FBXO11: variants seen among roughly 807,000 people sequenced by gnomAD.
FBXO11 encodes F-box only protein 11.
Under a neutral mutation model 117.0 loss-of-function variants are expected in FBXO11, and 13 were observed. The ratio of observed to expected loss-of-function variants is 0.11; its 90% CI spans 0.07 to 0.18. FBXO11 has a LOEUF of 0.18. Among genes scored for constraint, FBXO11 ranks in the 10% least tolerant of loss-of-function variants. The probability of loss-of-function intolerance (pLI) is 1.00; values close to 1 mark genes in which losing one functional copy is unlikely to be tolerated. For synonymous variants in FBXO11, 490 were observed against 380.5 expected (o/e 1.29, Z -3.35); for missense variants, 767 against 1,164.4 (o/e 0.66, Z 4.97).
At chr2:47,836,631 T>A (rs902842980) in intron 4 of FBXO11, among the ~76,000 whole-genome samples, 2 of 151,466 alleles carry the variant, frequency 1.3e-5, no homozygotes. Context: ...TTAGTTTTCC[T>A]GCAAAAATTT....
chr2:47,828,285 C>T (rs1007797560), intron 11 of FBXO11, among the ~76,000 whole-genome samples: 2 of 152,200 alleles, frequency 1.3e-5, no homozygotes, highest in Admixed American at 1.3e-4. Context: ...CCAGCCTCTG[C>T]TTTGTCTTTT....
At chr2:47,837,599 G>A (rs1257778180) in intron 4 of FBXO11, among the ~76,000 whole-genome samples, 1 of 152,176 alleles carries the variant, frequency 6.6e-6, no homozygotes, top group Non-Finnish European at 1.5e-5. Flanking sequence ...TATAACCGTT[G>A]TAAAACAAAG....
chr2:47,819,111 T>C, intron 14 of FBXO11, 33 bp from the exon 15 acceptor site: 1 of 1,605,628 alleles, frequency 6.2e-7, no homozygotes, highest in Non-Finnish European at 8.5e-7. Flanking sequence ...ATAATATTTA[T>C]CTTCTATAAG....
At chr2:47,822,779 T>C (rs1458837143) in intron 12 of FBXO11, among the ~76,000 whole-genome samples, 1 of 152,200 alleles carries the variant, frequency 6.6e-6, no homozygotes, top group Non-Finnish European at 1.5e-5. Flanking sequence ...TTTTCCTGAA[T>C]TATTCTATTT....
chr2:47,874,619 C>T (rs1332002890), intron 1 of FBXO11, among the ~76,000 whole-genome samples: 1 of 152,176 alleles, frequency 6.6e-6, no homozygotes, highest in African/African-American at 2.4e-5. Flanking sequence ...ACTGCAACCT[C>T]CAACTCCTGG....
At chr2:47,815,340 G>C (rs1321877580) in intron 16 of FBXO11, among the ~76,000 whole-genome samples, 1 of 152,204 alleles carries the variant, frequency 6.6e-6, no homozygotes, top group Non-Finnish European at 1.5e-5. Context: ...ATCTTCCAGG[G>C]AGAAGGGAGA....
chr2:47,812,207 C>CCA (rs1670669147), intron 18 of FBXO11, among the ~76,000 whole-genome samples: 1 of 152,196 alleles, frequency 6.6e-6, no homozygotes. Flanking sequence ...ACGATGTGCT[C>CCA]CACTCCATCA....
intron 1 of FBXO11, among the ~76,000 whole-genome samples, chr2:47,880,674 T>A (rs1035503643): frequency 4.6e-5 from 7 of 152,262 alleles, no homozygotes; most frequent in African/African-American, 1.7e-4. Flanking sequence ...CATATTGCTA[T>A]TCACAACTAT....
At chr2:47,897,962 G>C (rs1677802461) in intron 1 of FBXO11, among the ~76,000 whole-genome samples, 1 of 152,144 alleles carries the variant, frequency 6.6e-6, no homozygotes, top group South Asian at 2.1e-4. Context: ...CTTCTCTCAT[G>C]AGATGTGAAA....
At chr2:47,861,603 T>C (rs1170573331) in intron 1 of FBXO11, among the ~76,000 whole-genome samples, 2 of 152,146 alleles carry the variant, frequency 1.3e-5, no homozygotes, top group East Asian at 3.9e-4. Context: ...ATTACAGAAG[T>C]GAACCACAGC....
chr2:47,901,746 C>T (rs1451684924), intron 1 of FBXO11, among the ~76,000 whole-genome samples: 1 of 152,062 alleles, frequency 6.6e-6, no homozygotes, highest in African/African-American at 2.4e-5. Flanking sequence ...TGTAAGCTTT[C>T]CTCATACTTT....
In FBXO11 at chr2:47,906,245, C is replaced by T. The variant is rs947694739; in HGVS notation, c.-525G>A. The T allele has an allele frequency of 9.0e-5, 15 of 166,398 alleles. No homozygotes were observed. The highest frequency in any genetic ancestry group is 1.3e-4 in the Non-Finnish European group (10 of 76,990). 10.3% of individuals were successfully genotyped at this position (166,398 alleles called of 1,614,324 possible). A position where few individuals can be genotyped will look rare whatever the true frequency, so the allele number is the denominator to read the frequency against. On this transcript the variant is annotated 5_prime_UTR_variant, in exon 1 of 23. Coordinates refer to ENST00000403359, the MANE Select transcript of FBXO11 (RefSeq NM_001190274.2). ...CTTTTTTTTCCCTCTTCCTCCCCCC[C>T]ACACCCCCTGAAAGAGATTTCTGTG...
At chr2:47,839,840 T>C (rs1672876800) in intron 1 of FBXO11, 71 bp from the exon 2 acceptor site, 2 of 1,422,336 alleles carry the variant, frequency 1.4e-6, no homozygotes, top group Non-Finnish European at 9.5e-7. Flanking sequence ...CAGAAAACTT[T>C]CTTAAAACTT....
chr2:47,862,331 C>A (rs1309797830), intron 1 of FBXO11, among the ~76,000 whole-genome samples: 1 of 152,068 alleles, frequency 6.6e-6, no homozygotes, highest in Non-Finnish European at 1.5e-5. Context: ...GGGTTGAAAG[C>A]CATTGGGACT....
intron 5 of FBXO11, 56 bp downstream of exon 5, chr2:47,835,816 G>C: frequency 7.1e-7 from 1 of 1,400,688 alleles, no homozygotes; most frequent in Non-Finnish European, 9.7e-7. Context: ...TTTCTTAAAA[G>C]AAAGTTATTT....
chr2:47,839,956 T>G (rs1672885830), intron 1 of FBXO11, among the ~76,000 whole-genome samples, 187 bp from the exon 2 acceptor site: 1 of 152,078 alleles, frequency 6.6e-6, no homozygotes, highest in Non-Finnish European at 1.5e-5. Context: ...GATTTTTTTT[T>G]TTTTTGAGAC....
At chr2:47,831,192 G>A (rs546796638) in intron 11 of FBXO11, among the ~76,000 whole-genome samples, 1 of 151,762 alleles carries the variant, frequency 6.6e-6, no homozygotes, top group African/African-American at 2.4e-5. Context: ...CGAGGCAGGT[G>A]AATCACTTGA....
chr2:47,894,631 T>C (rs1677517548), intron 1 of FBXO11, among the ~76,000 whole-genome samples: 1 of 152,206 alleles, frequency 6.6e-6, no homozygotes, highest in Non-Finnish European at 1.5e-5. Flanking sequence ...ATCAAAGTGA[T>C]ATTAAGTTAG....
At chr2:47,848,457 C>A (rs979303560) in intron 1 of FBXO11, among the ~76,000 whole-genome samples, 1 of 152,196 alleles carries the variant, frequency 6.6e-6, no homozygotes, top group Non-Finnish European at 1.5e-5. Flanking sequence ...TGAAACCACC[C>A]ACCCCTCTGA....
Sources: allele counts gnomAD v4.1 joint callset (sites outside exome capture counted in the v4.1 genomes callset), GRCh38; gene constraint gnomAD v4.1.1; transcripts MANE v1.5; gene names NCBI Gene and HGNC (gene_info 2026-07-23, HGNC 2026-07-21).